Variants in PDE1A observed in about 807,000 individuals in gnomAD.
PDE1A encodes the protein phosphodiesterase 1A.
In PDE1A, 35 loss-of-function variants were observed where a neutral mutation model predicts 61.7. The observed-to-expected ratio is 0.57, with a 90% CI of 0.43 to 0.75. The LOEUF (loss-of-function observed/expected upper bound fraction) is 0.75. PDE1A is among the 30% of genes least tolerant of loss of function. The probability of loss-of-function intolerance (pLI) is 0.00; values close to 1 mark genes in which losing one functional copy is unlikely to be tolerated. For missense variants in PDE1A, 597 were observed against 630.6 expected (o/e 0.95, Z 0.57); for synonymous variants, 232 against 213.2 (o/e 1.09, Z -0.77).
chr2:182,667,184 G>C, the PDE1A span, among the ~76,000 whole-genome samples: 7 of 152,144 alleles, frequency 4.6e-5, no homozygotes, highest in South Asian at 2.1e-4. Flanking sequence ...AAATTAAGCA[G>C]CTTTTTAGTA....
the PDE1A span, among the ~76,000 whole-genome samples, chr2:182,629,138 G>A: frequency 3.3e-5 from 5 of 152,090 alleles, no homozygotes; most frequent in Non-Finnish European, 5.9e-5. Flanking sequence ...AGGCAGTCCC[G>A]AGGAAATTAA....
the PDE1A span, among the ~76,000 whole-genome samples, chr2:182,666,912 A>G: frequency 0.065 from 9,911 of 152,184 alleles, 1,025 homozygotes; most frequent in African/African-American, 0.23. Flanking sequence ...CCCAGTACAC[A>G]GTCACGGTCT....
At chr2:182,658,047 T>TTA in the PDE1A span, among the ~76,000 whole-genome samples, 4 of 66,662 alleles carry the variant, frequency 6.0e-5, no homozygotes, top group Non-Finnish European at 1.0e-4. Context: ...AGCTTCTCAG[T>TTA]AAAAAAAAAA....
the PDE1A span, among the ~76,000 whole-genome samples, chr2:182,577,990 A>AAGGAAGGAAGGAAGGGAGGG: frequency 1.4e-4 from 19 of 137,610 alleles, no homozygotes; most frequent in African/African-American, 5.4e-4. Flanking sequence ...GGAAGGAAGG[A>AAGGAAGGAAGGAAGGGAGGG]AGGGACGGAG....
intron 10 of PDE1A, among the ~76,000 whole-genome samples, chr2:182,196,084 C>T (rs1686113671): frequency 6.6e-6 from 1 of 151,998 alleles, no homozygotes; most frequent in Non-Finnish European, 1.5e-5. Context: ...GAATTAATAT[C>T]ATATTTCAGT....
At chr2:182,455,427 A>G (rs1028379047) in intron 2 of PDE1A, among the ~76,000 whole-genome samples, 1 of 152,202 alleles carries the variant, frequency 6.6e-6, no homozygotes, top group Non-Finnish European at 1.5e-5. Context: ...AAAGGATTAT[A>G]AATCATGCTG....
At chr2:182,403,438 A>G (rs1334794963) in intron 1 of PDE1A, among the ~76,000 whole-genome samples, 2 of 151,940 alleles carry the variant, frequency 1.3e-5, no homozygotes, top group Non-Finnish European at 2.9e-5. Flanking sequence ...TCTCTACTAA[A>G]AATACAAAAA....
the PDE1A span, among the ~76,000 whole-genome samples, chr2:182,532,695 C>T: frequency 1.3e-5 from 2 of 152,082 alleles, no homozygotes; most frequent in Admixed American, 1.3e-4. Flanking sequence ...CAGTGGCTCA[C>T]GCCTGTAATC....
chr2:182,321,284 T>G (rs1696672596), intron 1 of PDE1A, among the ~76,000 whole-genome samples: 1 of 152,182 alleles, frequency 6.6e-6, no homozygotes, highest in Non-Finnish European at 1.5e-5. Context: ...TAGTTTCAAT[T>G]GGCATACTTC....
chr2:182,501,277 C>T (rs942357384), intron 2 of PDE1A, among the ~76,000 whole-genome samples: 2 of 152,072 alleles, frequency 1.3e-5, no homozygotes, highest in Non-Finnish European at 1.5e-5. Context: ...TTTAAATTTG[C>T]CATCCACCAC....
chr2:182,342,790 T>A (rs1242561417), intron 1 of PDE1A, among the ~76,000 whole-genome samples: 1 of 152,254 alleles, frequency 6.6e-6, no homozygotes, highest in Non-Finnish European at 1.5e-5. Context: ...CCATATTACA[T>A]AACATAATTT....
At chr2:182,534,103 G>A in the PDE1A span, among the ~76,000 whole-genome samples, 3 of 151,948 alleles carry the variant, frequency 2.0e-5, no homozygotes, top group Non-Finnish European at 2.9e-5. Context: ...CTACAAATTA[G>A]ATTATGATGT....
At chr2:182,532,369 A>T in the PDE1A span, among the ~76,000 whole-genome samples, 1 of 152,212 alleles carries the variant, frequency 6.6e-6, no homozygotes, top group Non-Finnish European at 1.5e-5. Flanking sequence ...ACATTGTGTC[A>T]ATTTAGGAAT....
intron 2 of PDE1A, among the ~76,000 whole-genome samples, chr2:182,472,028 A>G (rs981275384): frequency 6.6e-6 from 1 of 151,950 alleles, no homozygotes; most frequent in African/African-American, 2.4e-5. Context: ...TACACTAACG[A>G]GAATGACTAA....
intron 2 of PDE1A, among the ~76,000 whole-genome samples, chr2:182,495,184 G>A (rs1688636179): frequency 6.6e-6 from 1 of 152,182 alleles, no homozygotes; most frequent in South Asian, 2.1e-4. Flanking sequence ...TCTCCTTGCT[G>A]ACAAAGGCAG....
the PDE1A span, among the ~76,000 whole-genome samples, chr2:182,613,873 C>T: frequency 1.2e-4 from 18 of 152,240 alleles, no homozygotes; most frequent in East Asian, 3.5e-3. Context: ...CAATACAGTG[C>T]AAACAGGGTC....
At chr2:182,281,398 G>A (rs1693794623) in intron 1 of PDE1A, among the ~76,000 whole-genome samples, 2 of 151,898 alleles carry the variant, frequency 1.3e-5, no homozygotes, top group Admixed American at 1.3e-4. Flanking sequence ...CTTAAAACAA[G>A]CCTGTGGAGC....
At chr2:182,573,650 G>C in the PDE1A span, among the ~76,000 whole-genome samples, 1 of 151,792 alleles carries the variant, frequency 6.6e-6, no homozygotes, top group African/African-American at 2.4e-5. Context: ...CAAATCGTTA[G>C]TAATTTCTTA....
chr2:182,550,958 A>G, the PDE1A span, among the ~76,000 whole-genome samples: 2 of 152,028 alleles, frequency 1.3e-5, no homozygotes, highest in Non-Finnish European at 2.9e-5. Context: ...CCAAACAGGA[A>G]GGGAGCCTGG....
Sources: gnomAD v4.1 joint callset for allele counts (sites outside exome capture counted in the v4.1 genomes callset) on GRCh38, gnomAD v4.1.1 for gene constraint, MANE v1.5 for transcripts, NCBI Gene and HGNC (gene_info 2026-07-23, HGNC 2026-07-21) for gene names.